Variants in ITPR2 observed in about 807,000 individuals in gnomAD.
ITPR2 encodes the protein inositol 1,4,5-trisphosphate-gated calcium channel ITPR2.
In ITPR2, 207 loss-of-function variants were observed where a neutral mutation model predicts 317.1. The ratio of observed to expected loss-of-function variants is 0.65; its 90% CI spans 0.58 to 0.73. The LOEUF (loss-of-function observed/expected upper bound fraction) is 0.73. Among genes scored for constraint, ITPR2 ranks in the 30% least tolerant of loss-of-function variants. The probability of loss-of-function intolerance (pLI) is 0.00; values close to 1 mark genes in which losing one functional copy is unlikely to be tolerated. For missense variants in ITPR2, 2,613 were observed against 3,284.0 expected, an observed-to-expected ratio of 0.80 and a Z score of 4.99; for synonymous variants, 1,156 against 1,149.1, an observed-to-expected ratio of 1.01 and a Z score of -0.12.
intron 21 of ITPR2, among the ~76,000 whole-genome samples, chr12:26,632,432 G>C (rs1025322343): frequency 2.0e-5 from 3 of 152,152 alleles, no homozygotes. Context: ...TAATCGCCAA[G>C]ATAAAGTGAG....
At chr12:26,726,519 T>C (rs914931952) in intron 2 of ITPR2, among the ~76,000 whole-genome samples, 13 of 152,204 alleles carry the variant, frequency 8.5e-5, no homozygotes, top group Non-Finnish European at 1.9e-4. Flanking sequence ...AGGTAAATTC[T>C]CAGTATTCTA....
chr12:26,518,196 G>T (rs1468540859), intron 37 of ITPR2, among the ~76,000 whole-genome samples: 1 of 152,164 alleles, frequency 6.6e-6, no homozygotes, highest in African/African-American at 2.4e-5. Flanking sequence ...CCCTAAAAAA[G>T]AATGAGATCA....
At chr12:26,821,060 T>C (rs1379181159) in intron 1 of ITPR2, among the ~76,000 whole-genome samples, 1 of 152,194 alleles carries the variant, frequency 6.6e-6, no homozygotes, top group Non-Finnish European at 1.5e-5. Context: ...TGCAGAGCAG[T>C]GATGGTTGCT....
intron 32 of ITPR2, among the ~76,000 whole-genome samples, chr12:26,580,627 G>A (rs1591924754): frequency 1.3e-5 from 2 of 152,254 alleles, no homozygotes; most frequent in Admixed American, 1.3e-4. Flanking sequence ...CATCTGGAGA[G>A]GAAAACAGAA....
At chr12:26,793,332 A>C (rs1411936024) in intron 1 of ITPR2, among the ~76,000 whole-genome samples, 1 of 152,186 alleles carries the variant, frequency 6.6e-6, no homozygotes, top group Non-Finnish European at 1.5e-5. Context: ...GTGTTCCCCA[A>C]ATTTGGCTGA....
chr12:26,345,058 C>T (rs563532059), intron 55 of ITPR2, among the ~76,000 whole-genome samples: 1 of 152,140 alleles, frequency 6.6e-6, no homozygotes, highest in East Asian at 1.9e-4. Flanking sequence ...TGGTCTTAAT[C>T]TGAGACAAAT....
At chr12:26,359,445 C>G (rs1938751793) in intron 55 of ITPR2, among the ~76,000 whole-genome samples, 1 of 152,150 alleles carries the variant, frequency 6.6e-6, no homozygotes, top group Admixed American at 6.5e-5. Context: ...CAATCTCAGT[C>G]TGAATCCCAG....
At chr12:26,539,603 C>T (rs1485520110) in intron 37 of ITPR2, among the ~76,000 whole-genome samples, 1 of 152,210 alleles carries the variant, frequency 6.6e-6, no homozygotes, top group Non-Finnish European at 1.5e-5. Context: ...ATCATCTGCT[C>T]CAATCCCCCT....
intron 37 of ITPR2, among the ~76,000 whole-genome samples, chr12:26,499,094 T>C (rs543506947): frequency 6.6e-6 from 1 of 152,314 alleles, no homozygotes; most frequent in Non-Finnish European, 1.5e-5. Flanking sequence ...GAAAACTTTT[T>C]TACCATTTAC....
chr12:26,744,850 T>G (rs1179270001), intron 2 of ITPR2, among the ~76,000 whole-genome samples: 3 of 152,176 alleles, frequency 2.0e-5, no homozygotes, highest in African/African-American at 7.2e-5. Flanking sequence ...GTTTGCCTCA[T>G]CAAATACATA....
rs370573112 is a variant in ITPR2, at chr12:26,656,249, A to C, written c.2444+48T>G. 8 of 1,601,558 alleles carry C rather than the reference A, an allele frequency of 5.0e-6. No homozygotes were observed. In the African/African-American group the frequency reaches 1.1e-4, roughly 21 times the overall value. ...TCAAAACTGTAGACATTTGACGTGG[A>C]GTTCATCTGATGAATTCCAAAGCCT... On this transcript the variant is annotated intron_variant, in intron 19 of 56. Coordinates refer to ENST00000381340, the MANE Select transcript of ITPR2 (RefSeq NM_002223.4).
At chr12:26,524,069 A>G (rs1208147582) in intron 37 of ITPR2, among the ~76,000 whole-genome samples, 1 of 152,084 alleles carries the variant, frequency 6.6e-6, no homozygotes, top group African/African-American at 2.4e-5. Flanking sequence ...CAGTTCATTA[A>G]AACCAGTCAC....
intron 15 of ITPR2, among the ~76,000 whole-genome samples, chr12:26,659,647 A>G (rs1443498837): frequency 6.6e-6 from 1 of 152,252 alleles, no homozygotes; most frequent in Non-Finnish European, 1.5e-5. Flanking sequence ...GGAAAAATAA[A>G]TCTAATTAAA....
rs879594118 is a variant in ITPR2 at position 26,401,229 on chromosome 12, T to TAA, written c.7400-973_7400-972dup. Among the ~76,000 whole-genome samples, 9 of 145,322 alleles carry TAA rather than the reference T, an allele frequency of 6.2e-5. No homozygotes were observed. In the South Asian group the frequency reaches 1.3e-3, roughly 21 times the overall value. ...GGGTAACAGAGCAAGACTCTGTCTT[T>TAA]AAAAAAAAAAAATACATTTAGGGTA... On this transcript the variant is annotated intron_variant, in intron 52 of 56. Transcript: ENST00000381340.
At chr12:26,623,672 C>T (rs1946555340) in intron 24 of ITPR2, among the ~76,000 whole-genome samples, 1 of 152,122 alleles carries the variant, frequency 6.6e-6, no homozygotes, top group Admixed American at 6.5e-5. Flanking sequence ...TTTAGGGTCT[C>T]ATGTCAAGTC....
chr12:26,363,118 C>G (rs1028733609), intron 55 of ITPR2, among the ~76,000 whole-genome samples: 2 of 152,182 alleles, frequency 1.3e-5, no homozygotes, highest in Non-Finnish European at 2.9e-5. Flanking sequence ...TGTATTTACC[C>G]CATCGCCTGC....
At chr12:26,429,999 G>A (rs1368920465) in intron 48 of ITPR2, among the ~76,000 whole-genome samples, 1 of 152,172 alleles carries the variant, frequency 6.6e-6, no homozygotes, top group Non-Finnish European at 1.5e-5. Context: ...CTGGTTTGCT[G>A]AGATATCCCC....
chr12:26,401,244 C>T (rs906039906), intron 52 of ITPR2, among the ~76,000 whole-genome samples: 3 of 151,700 alleles, frequency 2.0e-5, no homozygotes, highest in Admixed American at 6.6e-5. Context: ...AAAAAAAATA[C>T]ATTTAGGGTA....
intron 35 of ITPR2, among the ~76,000 whole-genome samples, chr12:26,557,098 T>G (rs1944684270): frequency 6.6e-6 from 1 of 151,900 alleles, no homozygotes; most frequent in South Asian, 2.1e-4. Flanking sequence ...AAAAAAAAAT[T>G]CCCATGTGTC....
Sources: allele counts gnomAD v4.1 joint callset (sites outside exome capture counted in the v4.1 genomes callset), GRCh38; gene constraint gnomAD v4.1.1; transcripts MANE v1.5; gene names NCBI Gene and HGNC (gene_info 2026-07-23, HGNC 2026-07-21).